CENPP: variants seen among roughly 807,000 people sequenced by gnomAD.
CENPP encodes centromere protein P.
Under a neutral mutation model 35.6 loss-of-function variants are expected in CENPP, and 24 were observed. That is an observed-to-expected ratio of 0.67 (90% CI 0.49 to 0.95). CENPP has a LOEUF of 0.95. Ranked by LOEUF, CENPP falls within the 40% of genes least tolerant of loss-of-function variation. The probability of loss-of-function intolerance (pLI) is 0.00; values close to 1 mark genes in which losing one functional copy is unlikely to be tolerated. For missense variants in CENPP, 332 were observed against 345.3 expected, an observed-to-expected ratio of 0.96 and a Z score of 0.31; for synonymous variants, 120 against 125.5, an observed-to-expected ratio of 0.96 and a Z score of 0.29.
At chr9:92,518,051 C>T (rs1389333832) in intron 5 of CENPP, among the ~76,000 whole-genome samples, 2 of 152,206 alleles carry the variant, frequency 1.3e-5, no homozygotes, top group Non-Finnish European at 2.9e-5. Context: ...AAATGCTTTT[C>T]ACAGGCTCTC....
rs114773708 is a variant in CENPP, at chr9:92,577,432, A to T, written c.565-33882A>T. Reference sequence around the variant, plus strand: ...CGGGAGGCTGTGATGTATTCTTATTATGAAATACCATTTAGAATTGAGAAG... The same window carrying T: ...CGGGAGGCTGTGATGTATTCTTATTTTGAAATACCATTTAGAATTGAGAAG... On this transcript the variant is annotated intron_variant, in intron 5 of 7. Coordinates refer to ENST00000375587, the MANE Select transcript of CENPP (RefSeq NM_001012267.3). Among the ~76,000 whole-genome samples, 413 of 152,310 alleles carry T rather than the reference A, an allele frequency of 2.7e-3. 3 individuals carry two copies. Among genetic ancestry groups the T allele is most frequent in the African/African-American group, 9.6e-3 (401 of 41,566 alleles).
intron 5 of CENPP, among the ~76,000 whole-genome samples, chr9:92,410,188 G>A (rs1320655121): frequency 6.6e-6 from 1 of 152,028 alleles, no homozygotes; most frequent in Non-Finnish European, 1.5e-5. Context: ...TACCCACCTC[G>A]GCCTCCTGAA....
At chr9:92,544,543 G>T (rs3887593) in intron 5 of CENPP, among the ~76,000 whole-genome samples, 266 of 116,650 alleles carry the variant, frequency 2.3e-3, no homozygotes, top group African/African-American at 6.8e-3. Flanking sequence ...TTGTTGAGGG[G>T]TTTTTTTTTT....
intron 5 of CENPP, among the ~76,000 whole-genome samples, chr9:92,604,959 T>C (rs1278045250): frequency 6.6e-6 from 1 of 152,088 alleles, no homozygotes; most frequent in African/African-American, 2.4e-5. Context: ...ATGTTTTCTC[T>C]CAGAAGTTTT....
At chr9:92,349,004 G>A (rs139634255) in intron 4 of CENPP, among the ~76,000 whole-genome samples, 1 of 152,298 alleles carries the variant, frequency 6.6e-6, no homozygotes, top group South Asian at 2.1e-4. Context: ...TTTGTGCTAT[G>A]TTTAGGGTAT....
chr9:92,430,980 G>C (rs1297305555), intron 5 of CENPP, among the ~76,000 whole-genome samples: 1 of 151,960 alleles, frequency 6.6e-6, no homozygotes, highest in Non-Finnish European at 1.5e-5. Context: ...ATTTTTAGTA[G>C]AGACAGGGTT....
chr9:92,436,491 T>C (rs1490627779), intron 5 of CENPP, among the ~76,000 whole-genome samples: 1 of 152,228 alleles, frequency 6.6e-6, no homozygotes, highest in Non-Finnish European at 1.5e-5. Context: ...AAGTCCTAGC[T>C]CTCAAAGATC....
At chr9:92,473,436 A>C (rs543659596) in intron 5 of CENPP, among the ~76,000 whole-genome samples, 4 of 152,202 alleles carry the variant, frequency 2.6e-5, no homozygotes, top group South Asian at 2.1e-4. Context: ...CCCACTTTGC[A>C]AACTGATGGT....
chr9:92,466,482 G>A (rs1270148182), intron 5 of CENPP: 22 of 1,613,170 alleles, frequency 1.4e-5, no homozygotes, highest in Non-Finnish European at 1.8e-5. Context: ...TTAGTTGATT[G>A]TGGGACAGAT....
chr9:92,380,895 C>G (rs1432820082), intron 5 of CENPP, among the ~76,000 whole-genome samples: 1 of 152,152 alleles, frequency 6.6e-6, no homozygotes, highest in Non-Finnish European at 1.5e-5. Flanking sequence ...TGATTTGACT[C>G]TACGTGCTTT....
At chr9:92,481,307 C>A (rs1003048890) in intron 5 of CENPP, among the ~76,000 whole-genome samples, 2 of 152,180 alleles carry the variant, frequency 1.3e-5, no homozygotes, top group African/African-American at 4.8e-5. Flanking sequence ...CTAAAAACAT[C>A]AGGATCCTTT....
chr9:92,467,960 A>G (rs1398583420), intron 5 of CENPP, among the ~76,000 whole-genome samples: 1 of 152,196 alleles, frequency 6.6e-6, no homozygotes, highest in Non-Finnish European at 1.5e-5. Context: ...GAATTTAACA[A>G]CTTGGTGGAT....
chr9:92,610,479 G>A (rs10992384), intron 5 of CENPP: 30,081 of 152,132 alleles, frequency 0.2, 3,837 homozygotes, highest in East Asian at 0.66. Flanking sequence ...CTAAATTCGC[G>A]GGTCGGTTCT....
chr9:92,460,698 CAG>C (rs557543739), intron 5 of CENPP: 61 of 587,252 alleles, frequency 1.0e-4, no homozygotes, highest in African/African-American at 1.0e-3. Context: ...TTCTTTGAGA[CAG>C]AGTTTCACTC....
At chr9:92,594,354 G>T (rs1850728501) in intron 5 of CENPP, among the ~76,000 whole-genome samples, 1 of 152,118 alleles carries the variant, frequency 6.6e-6, no homozygotes. Context: ...GTGAGCAGGT[G>T]GCCCAGCTGC....
At chr9:92,533,299 C>CAAA (rs1848922660) in intron 5 of CENPP, among the ~76,000 whole-genome samples, 1 of 11,290 alleles carries the variant, frequency 8.9e-5, no homozygotes, top group East Asian at 5.7e-3. Context: ...GACTCGGTCT[C>CAAA]AAACAAAAAA....
chr9:92,503,682 T>A (rs1164499454), intron 5 of CENPP, among the ~76,000 whole-genome samples: 1 of 152,244 alleles, frequency 6.6e-6, no homozygotes, highest in Non-Finnish European at 1.5e-5. Flanking sequence ...CATATATCTT[T>A]AGTGTCACCT....
At chr9:92,345,876 A>G in intron 4 of CENPP, 89 bp downstream of exon 4, 1 of 714,874 alleles carries the variant, frequency 1.4e-6, no homozygotes, top group Non-Finnish European at 2.4e-6. Flanking sequence ...CTTCTTAGTA[A>G]GTAAATAGGT....
At chr9:92,585,673 T>G (rs1221683728) in intron 5 of CENPP, among the ~76,000 whole-genome samples, 1 of 152,172 alleles carries the variant, frequency 6.6e-6, no homozygotes, top group Non-Finnish European at 1.5e-5. Context: ...GTATAAACTT[T>G]CGGAACTCTG....
Sources: gnomAD v4.1 joint callset for allele counts (sites outside exome capture counted in the v4.1 genomes callset) on GRCh38, gnomAD v4.1.1 for gene constraint, MANE v1.5 for transcripts, NCBI Gene and HGNC (gene_info 2026-07-23, HGNC 2026-07-21) for gene names.